ANO4: variants seen among roughly 807,000 people sequenced by gnomAD.
ANO4 encodes the protein anoctamin 4, also known as anoctamin-4.
In ANO4, 69 loss-of-function variants were observed where a neutral mutation model predicts 141.9. That is an observed-to-expected ratio of 0.49 (90% CI 0.40 to 0.59). The LOEUF is 0.59. ANO4 is among the 20% of genes least tolerant of loss of function. ANO4 has a pLI of 0.00. For synonymous variants in ANO4, 350 were observed against 394.3 expected (o/e 0.89, Z 1.33); for missense variants, 894 against 1,162.2 (o/e 0.77, Z 3.36).
At chr12:100,757,483 A>G (rs1593279165) in intron 3 of ANO4, among the ~76,000 whole-genome samples, 1 of 151,764 alleles carries the variant, frequency 6.6e-6, no homozygotes, top group Admixed American at 6.6e-5. Flanking sequence ...ACTCCTACAT[A>G]CTCTTCTTTT....
At chr12:100,876,695 A>G (rs1334979609) in intron 1 of ANO4, among the ~76,000 whole-genome samples, 1 of 152,170 alleles carries the variant, frequency 6.6e-6, no homozygotes, top group East Asian at 1.9e-4. Context: ...TCTCAAGACC[A>G]TGTATTGAAG....
chr12:101,011,046 G>A (rs2046064583), intron 8 of ANO4, among the ~76,000 whole-genome samples: 1 of 152,096 alleles, frequency 6.6e-6, no homozygotes, highest in Admixed American at 6.6e-5. Context: ...GATGCTGCCA[G>A]CTCTTGGCTG....
At chr12:100,895,182 T>C (rs1460631861) in intron 1 of ANO4, among the ~76,000 whole-genome samples, 3 of 151,870 alleles carry the variant, frequency 2.0e-5, no homozygotes, top group East Asian at 1.9e-4. Context: ...ATGAGTCTTA[T>C]GTTTTGTGTG....
chr12:100,999,225 C>T (rs964449549), intron 8 of ANO4, among the ~76,000 whole-genome samples: 5 of 152,266 alleles, frequency 3.3e-5, no homozygotes, highest in Admixed American at 6.5e-5. Flanking sequence ...GTCAAGGCTG[C>T]ACTCCTTTCT....
At chr12:100,835,643 T>A (rs2036872533) in intron 1 of ANO4, among the ~76,000 whole-genome samples, 1 of 152,198 alleles carries the variant, frequency 6.6e-6, no homozygotes, top group Admixed American at 6.5e-5. Flanking sequence ...TTATTTGTGC[T>A]GTTTTTTCCC....
intron 16 of ANO4, 58 bp from the exon 17 acceptor site, chr12:101,086,602 A>C: frequency 2.5e-6 from 4 of 1,591,246 alleles, no homozygotes; most frequent in Non-Finnish European, 2.6e-6. Context: ...AGGAATGTGA[A>C]TCCTCTTCCT....
chr12:100,745,818 T>C (rs2032075489), intron 3 of ANO4, among the ~76,000 whole-genome samples: 1 of 152,194 alleles, frequency 6.6e-6, no homozygotes, highest in Non-Finnish European at 1.5e-5. Flanking sequence ...AGAAACATGA[T>C]GAGTGCCAAG....
intron 9 of ANO4, among the ~76,000 whole-genome samples, chr12:101,031,107 C>G (rs1245850397): frequency 6.6e-6 from 1 of 152,152 alleles, no homozygotes; most frequent in East Asian, 1.9e-4. Flanking sequence ...ATCCTGATAC[C>G]AAAACCTAGC....
At chr12:100,851,864 G>A (rs2037893852) in intron 1 of ANO4, among the ~76,000 whole-genome samples, 1 of 151,924 alleles carries the variant, frequency 6.6e-6, no homozygotes, top group Non-Finnish European at 1.5e-5. Flanking sequence ...CAAATGTAAA[G>A]GTCCTTAGTG....
intron 9 of ANO4, among the ~76,000 whole-genome samples, chr12:101,025,054 A>G (rs538190359): frequency 5.3e-5 from 8 of 152,356 alleles, no homozygotes; most frequent in African/African-American, 1.9e-4. Context: ...GGTGTATTTT[A>G]GGAAGTAGCA....
chr12:101,067,442 G>A (rs1039796468), intron 14 of ANO4, among the ~76,000 whole-genome samples: 11 of 152,156 alleles, frequency 7.2e-5, no homozygotes, highest in Admixed American at 2.0e-4. Context: ...TAACACTTTG[G>A]GAAGCTGAGG....
intron 26 of ANO4, among the ~76,000 whole-genome samples, chr12:101,121,934 G>C (rs777317704): frequency 6.6e-6 from 1 of 151,844 alleles, no homozygotes; most frequent in Non-Finnish European, 1.5e-5. Flanking sequence ...GCTAATTTTT[G>C]TATTTTTAGT....
At chr12:100,729,360 CAAAAAAAAA>C (rs1156522144) in intron 1 of ANO4, among the ~76,000 whole-genome samples, 202 of 22,580 alleles carry the variant, frequency 8.9e-3, no homozygotes, top group African/African-American at 0.02. Context: ...AACTCTGTCT[CAAAAAAAAA>C]AAAAAAAAAA....
intron 3 of ANO4, among the ~76,000 whole-genome samples, chr12:100,769,905 T>G (rs2033225078): frequency 6.6e-6 from 1 of 152,110 alleles, no homozygotes; most frequent in African/African-American, 2.4e-5. Flanking sequence ...TGAATTTTAT[T>G]GAGTACTATT....
chr12:101,045,735 C>G (rs7952812), intron 13 of ANO4, among the ~76,000 whole-genome samples: 35,040 of 152,088 alleles, frequency 0.23, 4,171 homozygotes, highest in East Asian at 0.32. Context: ...ATCATGAGGG[C>G]CTCACAGCCT....
At chr12:100,831,944 T>C (rs1023705298) in intron 1 of ANO4, among the ~76,000 whole-genome samples, 3 of 152,136 alleles carry the variant, frequency 2.0e-5, no homozygotes, top group Non-Finnish European at 4.4e-5. Context: ...ATTGTTAATA[T>C]TTATTGAGAA....
chr12:100,847,774 G>A (rs1270679820), intron 1 of ANO4, among the ~76,000 whole-genome samples: 2 of 152,186 alleles, frequency 1.3e-5, no homozygotes, highest in Non-Finnish European at 2.9e-5. Flanking sequence ...AATTTTAATA[G>A]GGAAGACAAA....
chr12:100,925,643 A>AT (rs1487349966), intron 3 of ANO4, among the ~76,000 whole-genome samples: 2 of 129,200 alleles, frequency 1.5e-5, no homozygotes, highest in East Asian at 2.2e-4. Flanking sequence ...TTAAAGTATA[A>AT]TTAAAAAAAA....
intron 14 of ANO4, chr12:101,069,075 A>T: frequency 1.0e-6 from 1 of 1,000,138 alleles, no homozygotes; most frequent in Non-Finnish European, 1.6e-6. Context: ...AAATTTGAAT[A>T]GCTTTCCAAA....
Sources: gnomAD v4.1 joint callset for allele counts (sites outside exome capture counted in the v4.1 genomes callset) on GRCh38, gnomAD v4.1.1 for gene constraint, MANE v1.5 for transcripts, NCBI Gene and HGNC (gene_info 2026-07-23, HGNC 2026-07-21) for gene names.